The following MECOM variants were observed in gnomAD, a reference collection of about 807,000 sequenced individuals.
The protein encoded by MECOM is histone-lysine N-methyltransferase MECOM.
In MECOM, 13 loss-of-function variants were observed where a neutral mutation model predicts 116.3. That is an observed-to-expected ratio of 0.11 (90% CI 0.07 to 0.18). The LOEUF (loss-of-function observed/expected upper bound fraction) is 0.18. Among genes scored for constraint, MECOM ranks in the 10% least tolerant of loss-of-function variants. MECOM has a pLI of 1.00. For missense variants in MECOM, 1,299 were observed against 1,509.0 expected (o/e 0.86, Z 2.31); for synonymous variants, 528 against 535.2 (o/e 0.99, Z 0.19).
rs375538394 is a variant in MECOM, at chr3:169,131,528, A to G, written c.514T>C (p.Phe172Leu). The G allele has an allele frequency of 1.9e-6, 3 of 1,610,036 alleles. No homozygotes were observed. The highest frequency in any genetic ancestry group is 2.5e-6 in the Non-Finnish European group (3 of 1,177,902). Residue 172 changes from phenylalanine (F) to leucine (L), a missense_variant, in exon 4 of 17, where the codon TTC becomes CTC. This residue lies in a region of MECOM where 374 missense variants were observed against 433.4 expected (regional missense o/e 0.86). Coordinates refer to ENST00000651503, the MANE Select transcript of MECOM (RefSeq NM_004991.4). ...GCAATGTCTGCAACTACTCTATAGA[A>G]TATCTTTAAAGACAAAATAAAGGTG... ...LVACQINDQI[F>L]YRVVADIAPG...
chr3:169,446,965 G>C (rs1744740308), intron 1 of MECOM, among the ~76,000 whole-genome samples: 1 of 152,140 alleles, frequency 6.6e-6, no homozygotes, highest in Non-Finnish European at 1.5e-5. Flanking sequence ...TGAATTTTCA[G>C]TTATTTTTTT....
At chr3:169,565,814 T>C (rs943741718) in intron 1 of MECOM, among the ~76,000 whole-genome samples, 3 of 152,164 alleles carry the variant, frequency 2.0e-5, no homozygotes, top group Non-Finnish European at 2.9e-5. Context: ...GTAGTTTGTG[T>C]TCTCCAACAG....
At chr3:169,663,150 G>A (rs1468386402) in intron 1 of MECOM, among the ~76,000 whole-genome samples, 186 bp downstream of exon 1, 5 of 151,118 alleles carry the variant, frequency 3.3e-5, no homozygotes, top group Admixed American at 6.6e-5. Flanking sequence ...CAACCCGGGA[G>A]CGAGAGCGCG....
intron 1 of MECOM, among the ~76,000 whole-genome samples, chr3:169,472,436 AGAGGAGAGAAAAGGAAAGGAAGGGAAAG>A: frequency 7.0e-6 from 1 of 143,090 alleles, no homozygotes; most frequent in African/African-American, 2.6e-5. Flanking sequence ...AAAGGAAAGG[AGAGGAGAGAAAAGGAAAGGAAGGGAAAG>A]AAGGAAAGGA....
At chr3:169,158,896 G>T (rs1419102634) in intron 2 of MECOM, among the ~76,000 whole-genome samples, 1 of 152,144 alleles carries the variant, frequency 6.6e-6, no homozygotes, top group Non-Finnish European at 1.5e-5. Context: ...AAAATTTTTT[G>T]TGTGTGGTCC....
At chr3:169,109,032 A>G (rs1036362545) in intron 9 of MECOM, among the ~76,000 whole-genome samples, 1 of 152,230 alleles carries the variant, frequency 6.6e-6, no homozygotes, top group Non-Finnish European at 1.5e-5. Context: ...CACTTTTACA[A>G]TAGTGTAATT....
intron 1 of MECOM, among the ~76,000 whole-genome samples, chr3:169,597,291 G>A (rs955868695): frequency 6.6e-6 from 1 of 152,220 alleles, no homozygotes; most frequent in Admixed American, 6.5e-5. Flanking sequence ...AAGAGGTGTG[G>A]AAACTGAGAA....
chr3:169,418,851 C>A (rs1739212940), intron 1 of MECOM, among the ~76,000 whole-genome samples: 1 of 152,156 alleles, frequency 6.6e-6, no homozygotes, highest in Non-Finnish European at 1.5e-5. Context: ...CAAAGATATA[C>A]TATATCACCA....
chr3:169,327,620 G>A (rs1433089987), intron 2 of MECOM, among the ~76,000 whole-genome samples: 2 of 138,938 alleles, frequency 1.4e-5, no homozygotes, highest in African/African-American at 2.7e-5. Flanking sequence ...CAATGGTGAC[G>A]CAGAGTGAGA....
chr3:169,310,125 T>C (rs1447915317), intron 2 of MECOM, among the ~76,000 whole-genome samples: 1 of 152,220 alleles, frequency 6.6e-6, no homozygotes, highest in Admixed American at 6.5e-5. Context: ...CTTGAGCCAT[T>C]TTGCAATTTT....
At chr3:169,086,788 CACTATAAAAATTACAG>C (rs935426520) in intron 16 of MECOM, among the ~76,000 whole-genome samples, 5 of 152,122 alleles carry the variant, frequency 3.3e-5, no homozygotes, top group Non-Finnish European at 5.9e-5. Flanking sequence ...TCAATTCAAT[CACTATAAAAATTACAG>C]ACTATAAAAA....
At chr3:169,497,065 G>C (rs1324162554) in intron 1 of MECOM, among the ~76,000 whole-genome samples, 1 of 152,076 alleles carries the variant, frequency 6.6e-6, no homozygotes, top group Non-Finnish European at 1.5e-5. Flanking sequence ...ACATTAAAAT[G>C]AGCAGACTCT....
At chr3:169,212,560 C>G (rs572183637) in intron 2 of MECOM, among the ~76,000 whole-genome samples, 38 of 145,914 alleles carry the variant, frequency 2.6e-4, no homozygotes, top group Non-Finnish European at 5.2e-4. Flanking sequence ...ACAGGCACAT[C>G]TGTAACAATG....
rs1171580394 is a variant in MECOM at position 169,131,543 on chromosome 3, A to G, written c.511-12T>C. The G allele has an allele frequency of 6.3e-7, 1 of 1,597,310 alleles. No individual in the cohort carries two copies. Among genetic ancestry groups the G allele is most frequent in the Non-Finnish European group, 8.6e-7 (1 of 1,168,978 alleles). On this transcript the variant is annotated splice_polypyrimidine_tract_variant and intron_variant, in intron 3 of 16. Transcript: ENST00000651503. ...ACTCTATAGAATATCTTTAAAGACA[A>G]AATAAAGGTGGATGGAATCAGGAAA...
intron 2 of MECOM, among the ~76,000 whole-genome samples, chr3:169,193,925 C>T (rs1748049350): frequency 6.6e-6 from 1 of 151,908 alleles, no homozygotes; most frequent in Non-Finnish European, 1.5e-5. Context: ...AAATAATGTT[C>T]CTTTTTATGT....
intron 2 of MECOM, among the ~76,000 whole-genome samples, chr3:169,163,689 A>G (rs549444883): frequency 4.6e-4 from 70 of 150,648 alleles, no homozygotes; most frequent in South Asian, 8.9e-4. Flanking sequence ...ATATTCTGCC[A>G]TGTTCTTTTC....
At chr3:169,321,566 G>A (rs1352617266) in intron 2 of MECOM, among the ~76,000 whole-genome samples, 1 of 152,142 alleles carries the variant, frequency 6.6e-6, no homozygotes, top group African/African-American at 2.4e-5. Context: ...TTTAAATCTG[G>A]TTTAACTGGT....
At chr3:169,626,882 T>C (rs1163756773) in intron 1 of MECOM, among the ~76,000 whole-genome samples, 1 of 151,984 alleles carries the variant, frequency 6.6e-6, no homozygotes, top group Non-Finnish European at 1.5e-5. Context: ...CTCAAATAAG[T>C]GGGGTTTTCC....
In MECOM at chr3:169,122,712, C is replaced by A. The variant is rs763037576; in HGVS notation, c.846G>T (p.Met282Ile). ...FPDLQSLEKH[M>I]LSHTEEREYK... Reference sequence around the variant, plus strand: ...ATTCCCTCTCTTCAGTATGTGACAGCATGTGTTTCTCCAGGCTGTTAAGAG... The same window carrying A: ...ATTCCCTCTCTTCAGTATGTGACAGAATGTGTTTCTCCAGGCTGTTAAGAG... The change falls in exon 6 of 17, where the codon ATG becomes ATT. Residue 282 changes from methionine to isoleucine, a missense_variant. Physicochemically the swap from Met to Ile is conservative, Grantham distance 10 (BLOSUM62 1). Coordinates refer to ENST00000651503, the MANE Select transcript of MECOM (RefSeq NM_004991.4). 1 of 1,613,742 alleles carries A rather than the reference C, an allele frequency of 6.2e-7. No homozygotes were observed. The highest frequency in any genetic ancestry group is 1.1e-5 in the South Asian group (1 of 90,992).
Sources: allele counts gnomAD v4.1 joint callset (sites outside exome capture counted in the v4.1 genomes callset), GRCh38; gene constraint gnomAD v4.1.1; regional missense constraint gnomAD v4.1.1; transcripts MANE v1.5; gene names NCBI Gene and HGNC (gene_info 2026-07-23, HGNC 2026-07-21).